The following RUNX1T1 variants were observed in gnomAD, a reference collection of about 807,000 sequenced individuals.
RUNX1T1 encodes protein CBFA2T1.
RUNX1T1 carries 4 observed loss-of-function variants against 62.8 expected under a neutral mutation model. The ratio of observed to expected loss-of-function variants is 0.06; its 90% CI spans 0.03 to 0.15. RUNX1T1 has a LOEUF of 0.15. RUNX1T1 is among the 10% of genes least tolerant of loss of function. RUNX1T1 has a pLI of 1.00. For missense variants in RUNX1T1, 508 were observed against 754.3 expected, an observed-to-expected ratio of 0.67 and a Z score of 3.82; for synonymous variants, 291 against 286.0, an observed-to-expected ratio of 1.02 and a Z score of -0.18.
intron 8 of RUNX1T1, among the ~76,000 whole-genome samples, chr8:91,976,288 A>T (rs574286588): frequency 1.3e-5 from 2 of 152,306 alleles, no homozygotes; most frequent in East Asian, 3.9e-4. Flanking sequence ...ACTTCTATAG[A>T]TATATTTTGT....
At chr8:92,080,439 A>C (rs184802246) in intron 1 of RUNX1T1, among the ~76,000 whole-genome samples, 125 of 152,308 alleles carry the variant, frequency 8.2e-4, no homozygotes, top group Middle Eastern at 3.4e-3. Context: ...CACGACATCC[A>C]CGGCTATGAA....
At chr8:92,061,135 T>C (rs1365159128) in intron 1 of RUNX1T1, among the ~76,000 whole-genome samples, 4 of 152,238 alleles carry the variant, frequency 2.6e-5, no homozygotes, top group African/African-American at 9.6e-5. Context: ...CTAATCTCGT[T>C]CACCTATTAT....
upstream of RUNX1T1, chr8:92,102,828 G>A: frequency 1.3e-6 from 2 of 1,496,470 alleles, no homozygotes; most frequent in Non-Finnish European, 1.8e-6. The surrounding 1 kb of genome is among the most constrained non-coding windows in gnomAD (Gnocchi z 4.5). Flanking sequence ...CCGCCCGCCC[G>A]CCGGCCAAGC....
chr8:92,012,225 G>A (rs1822087755), intron 3 of RUNX1T1, among the ~76,000 whole-genome samples: 1 of 152,124 alleles, frequency 6.6e-6, no homozygotes, highest in Non-Finnish European at 1.5e-5. Context: ...CTATCATTTT[G>A]TTTCTATGAC....
upstream of RUNX1T1, among the ~76,000 whole-genome samples, chr8:92,102,191 C>G (rs1438284954): frequency 6.6e-6 from 1 of 152,116 alleles, no homozygotes; most frequent in African/African-American, 2.4e-5. This position sits in a 1 kb window ranked among gnomAD's most constrained non-coding sequence, Gnocchi z 4.5. Flanking sequence ...CAGCCTCGGG[C>G]GGGAGCCGCC....
At chr8:92,062,216 A>G (rs189040294) in intron 1 of RUNX1T1, among the ~76,000 whole-genome samples, 7 of 152,308 alleles carry the variant, frequency 4.6e-5, no homozygotes, top group Admixed American at 4.6e-4. Context: ...TAGTCACAAA[A>G]TTCTGAACAG....
chr8:91,991,357 CCAACA>C (rs965585834), intron 6 of RUNX1T1, among the ~76,000 whole-genome samples: 1 of 151,914 alleles, frequency 6.6e-6, no homozygotes, highest in Non-Finnish European at 1.5e-5. Context: ...GCATTTGTTA[CCAACA>C]CAACAATTGA....
intron 1 of RUNX1T1, among the ~76,000 whole-genome samples, chr8:92,094,098 C>T (rs1837434056): frequency 6.6e-6 from 1 of 152,190 alleles, no homozygotes; most frequent in Admixed American, 6.5e-5. Context: ...AGTGTTTCAT[C>T]ATGCTCACTG....
At chr8:92,036,471 G>A (rs1359404924) in intron 1 of RUNX1T1, among the ~76,000 whole-genome samples, 2 of 152,158 alleles carry the variant, frequency 1.3e-5, no homozygotes, top group Non-Finnish European at 2.9e-5. Context: ...TTTTTGGAAT[G>A]TGATCAACAC....
chr8:92,056,643 CA>C (rs887211515), intron 1 of RUNX1T1, among the ~76,000 whole-genome samples: 1 of 149,822 alleles, frequency 6.7e-6, no homozygotes, highest in Non-Finnish European at 1.5e-5. Flanking sequence ...TGGGGGATGG[CA>C]AAAAAAGATA....
At chr8:92,032,650 C>T (rs552207177) in intron 1 of RUNX1T1, among the ~76,000 whole-genome samples, 1 of 152,222 alleles carries the variant, frequency 6.6e-6, no homozygotes, top group South Asian at 2.1e-4. Context: ...TGCAGTGGCT[C>T]AATTCTGTAA....
rs1047068184 is a variant in RUNX1T1 at position 92,033,673 on chromosome 8, A to G, written c.8-16310T>C. 2.6e-4 allele frequency among the ~76,000 whole-genome samples: 40 copies of G among 152,160 alleles called. 1 individual carries two copies. The highest frequency in any genetic ancestry group is 9.4e-4 in the African/African-American group (39 of 41,444). On this transcript the variant is annotated intron_variant, in intron 1 of 10. Coordinates refer to ENST00000396218, the Ensembl canonical transcript of RUNX1T1. ...TGAACCACCATGCCCAGCTAAATAC[A>G]AAAATTAAAATTTTTTGGCTGGGTG...
intron 1 of RUNX1T1, among the ~76,000 whole-genome samples, chr8:92,092,013 A>G (rs1334728647): frequency 6.6e-6 from 1 of 152,176 alleles, no homozygotes; most frequent in South Asian, 2.1e-4. Flanking sequence ...TGAAGCCACA[A>G]ACTCAGCTAA....
intron 10 of RUNX1T1, among the ~76,000 whole-genome samples, chr8:91,970,043 T>TGTGTGTGTTGTGTGTGTG (rs11374252): frequency 2.3e-4 from 33 of 142,810 alleles, no homozygotes; most frequent in African/African-American, 7.1e-4. Flanking sequence ...TGTGTGTGTG[T>TGTGTGTGTTGTGTGTGTG]TGTGTGTGTG....
chr8:91,988,655 T>G (rs1279361215), intron 6 of RUNX1T1, among the ~76,000 whole-genome samples: 1 of 152,040 alleles, frequency 6.6e-6, no homozygotes, highest in African/African-American at 2.4e-5. Flanking sequence ...TCTCAAAAGC[T>G]TGAAAAATTC....
chr8:92,014,700 G>A (rs1423199342), exon 3 of RUNX1T1: 1 of 1,614,062 alleles, frequency 6.2e-7, no homozygotes. Flanking sequence ...ACCACAGGCT[G>A]GGGGCAGCTG....
chr8:92,062,462 G>A (rs1832202014), intron 1 of RUNX1T1: 1 of 1,435,174 alleles, frequency 7.0e-7, no homozygotes, highest in Non-Finnish European at 9.8e-7. Flanking sequence ...CACGCTGTGG[G>A]GCAGAAGGTA....
intron 7 of RUNX1T1, 137 bp from the exon 9 acceptor site, chr8:91,986,462 A>G: frequency 3.0e-6 from 2 of 667,914 alleles, no homozygotes; most frequent in Non-Finnish European, 2.6e-6. Context: ...AGTATTTTCT[A>G]TGACTAGATT....
intron 1 of RUNX1T1, 43 bp from the exon 2 acceptor site, chr8:92,076,180 C>G: frequency 1.4e-6 from 2 of 1,440,176 alleles, no homozygotes; most frequent in Non-Finnish European, 1.8e-6. Flanking sequence ...TATATCACAA[C>G]CAGTCTGAAG....
Sources: gnomAD v4.1 joint callset for allele counts (sites outside exome capture counted in the v4.1 genomes callset) on GRCh38, gnomAD v4.1.1 for gene constraint, Gnocchi (gnomAD v3.1) non-coding constraint, MANE v1.5 for transcripts, NCBI Gene and HGNC (gene_info 2026-07-23, HGNC 2026-07-21) for gene names.